Variants in GOLGA4 observed in about 807,000 individuals in gnomAD.
GOLGA4 encodes golgin A4, also known as golgin subfamily A member 4.
A neutral mutation model predicts 265.9 loss-of-function variants in GOLGA4; 169 were observed. That is an observed-to-expected ratio of 0.64 (90% CI 0.56 to 0.72). The LOEUF is 0.72. Ranked by LOEUF, GOLGA4 falls within the 30% of genes least tolerant of loss-of-function variation. The probability of loss-of-function intolerance (pLI) is 0.00; values close to 1 mark genes in which losing one functional copy is unlikely to be tolerated. For synonymous variants in GOLGA4, 923 were observed against 855.8 expected (o/e 1.08, Z -1.37); for missense variants, 2,482 against 2,483.4 (o/e 1.00, Z 0.01).
chr3:37,356,583 C>G (rs1307341440), intron 22 of GOLGA4, among the ~76,000 whole-genome samples: 2 of 151,944 alleles, frequency 1.3e-5, no homozygotes, highest in Non-Finnish European at 2.9e-5. Context: ...ATAATGTATA[C>G]CATTCATCAA....
chr3:37,256,575 T>A (rs2096749351), intron 2 of GOLGA4, among the ~76,000 whole-genome samples: 1 of 152,216 alleles, frequency 6.6e-6, no homozygotes, highest in South Asian at 2.1e-4. Flanking sequence ...TTAAGTCTAC[T>A]CTGGGTACTC....
chr3:37,347,878 A>G (rs1228429497), intron 21 of GOLGA4, among the ~76,000 whole-genome samples: 1 of 152,156 alleles, frequency 6.6e-6, no homozygotes, highest in African/African-American at 2.4e-5. Flanking sequence ...TATCCCTTGC[A>G]GTGTTTTAAA....
In GOLGA4 at chr3:37,271,546, G is replaced by A. The variant is rs2096798722; in HGVS notation, c.163-10412G>A. On this transcript the variant is annotated intron_variant, in intron 2 of 23. Transcript: ENST00000361924. ...CCCCTCCCCATATCTATTACCCAAT[G>A]CCAATAATTAATAACTCATGGCCAT... is the stretch of plus-strand genomic sequence containing the variant. 2.6e-5 allele frequency among the ~76,000 whole-genome samples: 4 copies of A among 152,206 alleles called. No individual in the cohort carries two copies. The South Asian group carries it at 8.3e-4, about 32-fold the overall frequency.
At chr3:37,276,436 T>A (rs1035466319) in intron 2 of GOLGA4, 9 of 1,609,598 alleles carry the variant, frequency 5.6e-6, no homozygotes, top group Non-Finnish European at 6.8e-6. Flanking sequence ...TCAGAGAGCA[T>A]CAGATGGCCA....
chr3:37,293,481 T>C (rs1332825758), intron 5 of GOLGA4, among the ~76,000 whole-genome samples: 1 of 152,162 alleles, frequency 6.6e-6, no homozygotes, highest in Non-Finnish European at 1.5e-5. Context: ...CTAAACATTC[T>C]AGAAAAAGTA....
chr3:37,296,216 G>A lies in GOLGA4; in HGVS notation c.811G>A (p.Val271Ile). ...GAATCCAGAAAGTGATGGAGAGCCA[G>A]TAGGTAAGCTTCATTTTGTCAAAAG... ...EENPESDGEP[V>I]VEDGTSVKTL... The change falls in exon 7 of 24, where the codon GTA (valine) becomes ATA (isoleucine). Residue 271 changes from valine to isoleucine, a missense_variant. Val to Ile is a conservative substitution (Grantham distance 29, BLOSUM62 3). Coordinates refer to ENST00000361924, the MANE Select transcript of GOLGA4 (RefSeq NM_002078.5). 2 of 1,614,022 alleles carry A rather than the reference G, an allele frequency of 1.2e-6. No individual in the cohort carries two copies. Among genetic ancestry groups the A allele is most frequent in the Non-Finnish European group, 1.7e-6 (2 of 1,179,908 alleles).
intron 11 of GOLGA4, among the ~76,000 whole-genome samples, chr3:37,316,407 G>T (rs1001025138): frequency 3.9e-5 from 6 of 152,088 alleles, no homozygotes; most frequent in African/African-American, 1.4e-4. Flanking sequence ...TCATGGTAAG[G>T]TTTCTGTGCT....
intron 8 of GOLGA4, 62 bp from the exon 9 acceptor site, chr3:37,299,226 A>C: frequency 9.0e-7 from 1 of 1,107,208 alleles, no homozygotes; most frequent in Non-Finnish European, 1.4e-6. Flanking sequence ...ATAAATGTTT[A>C]GAGTTCTCAA....
At chr3:37,357,694 A>G (rs1039374982) in intron 22 of GOLGA4, among the ~76,000 whole-genome samples, 4 of 152,220 alleles carry the variant, frequency 2.6e-5, no homozygotes, top group Admixed American at 1.3e-4. Flanking sequence ...CATCATTCAT[A>G]AAATGAGCAA....
chr3:37,355,037 A>G (rs928973207), intron 21 of GOLGA4, 64 bp from the exon 22 acceptor site: 29 of 927,536 alleles, frequency 3.1e-5, no homozygotes, highest in Admixed American at 1.4e-4. Flanking sequence ...AGAACATGTC[A>G]GAATGGGTTG....
At chr3:37,275,340 C>T (rs1178312497) in intron 2 of GOLGA4, among the ~76,000 whole-genome samples, 1 of 151,048 alleles carries the variant, frequency 6.6e-6, no homozygotes, top group Non-Finnish European at 1.5e-5. Flanking sequence ...GTCAGTGAGG[C>T]TGGTCAGGTT....
chr3:37,286,003 CTA>C lies in GOLGA4; in HGVS notation c.478-7_478-6del, dbSNP rs752960510. On this transcript the variant is annotated splice_polypyrimidine_tract_variant and intron_variant, in intron 3 of 23. Coordinates refer to ENST00000361924, the MANE Select transcript of GOLGA4 (RefSeq NM_002078.5). The stretch of plus-strand genomic sequence containing the variant: ...TAGGAATGACTAATGTTGTTGATGA[CTA>C]TATTTTAGCTTGTTACAGCTTATCA... 2.8e-5 allele frequency: 42 copies of C among 1,511,264 alleles called. No homozygotes were observed. The Admixed American group carries it at 3.2e-4, about 11-fold the overall frequency. 93.6% of individuals were successfully genotyped at this position (1,511,264 alleles called of 1,614,324 possible).
At chr3:37,306,698 A>G (rs928332642) in intron 10 of GOLGA4, among the ~76,000 whole-genome samples, 2 of 151,934 alleles carry the variant, frequency 1.3e-5, no homozygotes, top group Non-Finnish European at 2.9e-5. Flanking sequence ...GGCACATTCA[A>G]TTTTGTATGT....
intron 10 of GOLGA4, among the ~76,000 whole-genome samples, chr3:37,314,025 C>T (rs1430517564): frequency 6.7e-6 from 1 of 150,330 alleles, no homozygotes; most frequent in East Asian, 2.0e-4. Context: ...AGTGCAGTGG[C>T]ACCATCTTAA....
Position 37,327,410 on chromosome 3 carries a change from C to T in GOLGA4, c.5524C>T (p.Leu1842Phe). The T allele has an allele frequency of 1.2e-6, 2 of 1,613,866 alleles. No homozygotes were observed. Among genetic ancestry groups the T allele is most frequent in the Non-Finnish European group, 8.5e-7 (1 of 1,179,832 alleles). ...ENVFDDVQKT[L>F]QEKELTCQIL... ...TGTGTTTGACGACGTCCAGAAAACCCTCCAGGAGAAGGAACTAACCTGTCA... is the reference window on the plus strand; with the variant it reads ...TGTGTTTGACGACGTCCAGAAAACCTTCCAGGAGAAGGAACTAACCTGTCA... Residue 1842 changes from leucine to phenylalanine, a missense_variant, in exon 14 of 24, where the codon CTC becomes TTC. Around this residue, in one of 3 missense-constraint regions of GOLGA4, gnomAD observed 942 missense variants for 983.1 expected, o/e 0.96. Coordinates refer to ENST00000361924, the MANE Select transcript of GOLGA4 (RefSeq NM_002078.5).
intron 1 of GOLGA4, among the ~76,000 whole-genome samples, chr3:37,245,893 G>C (rs555186491): frequency 5.0e-4 from 76 of 151,524 alleles, no homozygotes; most frequent in African/African-American, 1.8e-3. Flanking sequence ...TAATTATTTT[G>C]TAACCTTTCT....
intron 1 of GOLGA4, chr3:37,243,968 G>C (rs924372294): frequency 7.7e-6 from 2 of 260,920 alleles, no homozygotes; most frequent in Non-Finnish European, 1.5e-5. Flanking sequence ...GAGACCCCAC[G>C]CTGGGAATGA....
At chr3:37,310,527 G>A (rs747185631) in intron 10 of GOLGA4, among the ~76,000 whole-genome samples, 1 of 152,146 alleles carries the variant, frequency 6.6e-6, no homozygotes, top group Non-Finnish European at 1.5e-5. Flanking sequence ...TTGAGCTACA[G>A]ATTGTCAACC....
At chr3:37,318,570 A>AAT (rs1387155330) in intron 11 of GOLGA4, among the ~76,000 whole-genome samples, 2 of 151,120 alleles carry the variant, frequency 1.3e-5, no homozygotes, top group Non-Finnish European at 2.9e-5. Context: ...GTTTTTTTTT[A>AAT]ATATATATTA....
Sources: gnomAD v4.1 joint callset for allele counts (sites outside exome capture counted in the v4.1 genomes callset) on GRCh38, gnomAD v4.1.1 for gene constraint, gnomAD v4.1.1 regional missense constraint, MANE v1.5 for transcripts, NCBI Gene and HGNC (gene_info 2026-07-23, HGNC 2026-07-21) for gene names.